MEGF10: variants seen among roughly 807,000 people sequenced by gnomAD.
MEGF10 encodes the protein multiple epidermal growth factor-like domains protein 10.
Under a neutral mutation model 147.5 loss-of-function variants are expected in MEGF10, and 86 were observed. That is an observed-to-expected ratio of 0.58 (90% CI 0.49 to 0.70). The LOEUF is 0.70. Among genes scored for constraint, MEGF10 ranks in the 30% least tolerant of loss-of-function variants. The pLI is 0.00. For synonymous variants in MEGF10, 478 were observed against 525.5 expected (o/e 0.91, Z 1.24); for missense variants, 1,329 against 1,487.3 (o/e 0.89, Z 1.75).
intron 5 of MEGF10, among the ~76,000 whole-genome samples, chr5:127,385,988 G>A (rs1002758753): frequency 6.6e-6 from 1 of 152,146 alleles, no homozygotes; most frequent in Non-Finnish European, 1.5e-5. Flanking sequence ...TGTTCTTGTA[G>A]TTCTAGCTAC....
the MEGF10 span, among the ~76,000 whole-genome samples, chr5:127,281,403 A>C: frequency 6.6e-6 from 1 of 152,194 alleles, no homozygotes; most frequent in Non-Finnish European, 1.5e-5. Context: ...CTGTCCCTTC[A>C]CGACGTCTCA....
At chr5:127,244,319 C>T in the MEGF10 span, among the ~76,000 whole-genome samples, 4 of 149,060 alleles carry the variant, frequency 2.7e-5, no homozygotes, top group East Asian at 2.0e-4. Flanking sequence ...ATTGGGCTAT[C>T]GTGCCACTGC....
intron 9 of MEGF10, among the ~76,000 whole-genome samples, chr5:127,411,341 G>C (rs1216786896): frequency 6.6e-6 from 1 of 152,170 alleles, no homozygotes; most frequent in East Asian, 1.9e-4. Flanking sequence ...AGCTGAGTTT[G>C]ACAAAAATGT....
At chr5:127,445,208 G>C (rs1041097481) in intron 19 of MEGF10, 10 of 483,158 alleles carry the variant, frequency 2.1e-5, no homozygotes, top group Non-Finnish European at 3.7e-5. Flanking sequence ...CTGGAACTCC[G>C]GGCACGCATC....
chr5:127,438,971 G>A (rs76491512), intron 17 of MEGF10, among the ~76,000 whole-genome samples: 4,201 of 152,254 alleles, frequency 0.028, 53 homozygotes, highest in East Asian at 0.045. Flanking sequence ...GTGGAGTTCC[G>A]TGTTTTTCGA....
the MEGF10 span, among the ~76,000 whole-genome samples, chr5:127,247,476 G>C: frequency 6.1e-5 from 9 of 147,974 alleles, no homozygotes; most frequent in African/African-American, 1.7e-4. Flanking sequence ...AGAAGAAGAA[G>C]AAGAAGAAGA....
intron 5 of MEGF10, among the ~76,000 whole-genome samples, chr5:127,388,986 A>C (rs1311014030): frequency 6.6e-6 from 1 of 152,224 alleles, no homozygotes; most frequent in Non-Finnish European, 1.5e-5. Context: ...TCTGCCTTAG[A>C]AAGAGTGCTG....
At chr5:127,418,027 G>A (rs189888685) in intron 10 of MEGF10, among the ~76,000 whole-genome samples, 90 of 152,094 alleles carry the variant, frequency 5.9e-4, no homozygotes, top group Admixed American at 3.0e-3. Context: ...TATAAATGTG[G>A]CATTAATTTT....
chr5:127,361,421 G>C (rs764817748), intron 4 of MEGF10, among the ~76,000 whole-genome samples: 19 of 151,546 alleles, frequency 1.3e-4, no homozygotes, highest in Admixed American at 4.6e-4. Context: ...TTTTTTTCCT[G>C]GTAAGTATAG....
At chr5:127,386,391 A>G (rs1763435804) in intron 5 of MEGF10, among the ~76,000 whole-genome samples, 1 of 152,198 alleles carries the variant, frequency 6.6e-6, no homozygotes, top group Non-Finnish European at 1.5e-5. Flanking sequence ...TATTTATGAC[A>G]TCTTTTTATA....
intron 3 of MEGF10, among the ~76,000 whole-genome samples, chr5:127,339,807 C>T (rs983236466): frequency 1.3e-5 from 2 of 152,150 alleles, no homozygotes; most frequent in African/African-American, 4.8e-5. Context: ...ATGTTATGCT[C>T]AATGTCATTT....
chr5:127,270,343 A>G, the MEGF10 span, among the ~76,000 whole-genome samples: 2 of 152,200 alleles, frequency 1.3e-5, no homozygotes, highest in Non-Finnish European at 2.9e-5. Flanking sequence ...GACCCATCTC[A>G]TGTGCAGAGA....
In MEGF10 at chr5:127,443,030, C is replaced by T. The variant is rs758447348; in HGVS notation, c.2395C>T (p.Arg799Cys). The change falls in exon 19 of 25, where the codon CGC becomes TGC. Residue 799 changes from arginine to cysteine, a missense_variant. Around this residue, in one of 3 missense-constraint regions of MEGF10, gnomAD observed 980 missense variants for 1,085.9 expected, o/e 0.90. Transcript: ENST00000503335. ...CPSGTYGYGCRQICDCLNNST... is the reference protein window; with the variant it reads ...CPSGTYGYGCCQICDCLNNST... ...TTCAGGAACATATGGCTATGGCTGT[C>T]GCCAGATATGTGATTGTCTGAACAA... 1.8e-5 allele frequency: 29 copies of T among 1,613,394 alleles called. No individual in the cohort carries two copies. The highest frequency in any genetic ancestry group is 5.5e-5 in the South Asian group (5 of 90,992).
At chr5:127,248,823 GA>G in the MEGF10 span, among the ~76,000 whole-genome samples, 19 of 146,228 alleles carry the variant, frequency 1.3e-4, no homozygotes, top group South Asian at 8.6e-4. Flanking sequence ...TGAACTTGGT[GA>G]AAAAAAAAAT....
chr5:127,411,249 A>G (rs1764546616), intron 9 of MEGF10, among the ~76,000 whole-genome samples: 1 of 152,078 alleles, frequency 6.6e-6, no homozygotes, highest in East Asian at 1.9e-4. Context: ...ATGTCTTCTT[A>G]CCCCTGTTTC....
At chr5:127,357,974 T>C (rs987103988) in intron 4 of MEGF10, among the ~76,000 whole-genome samples, 1 of 152,202 alleles carries the variant, frequency 6.6e-6, no homozygotes, top group African/African-American at 2.4e-5. Context: ...AATTTATCCA[T>C]GTGGCCTCTG....
At chr5:127,371,420 A>C (rs1431239810) in intron 5 of MEGF10, among the ~76,000 whole-genome samples, 1 of 152,092 alleles carries the variant, frequency 6.6e-6, no homozygotes, top group African/African-American at 2.4e-5. Flanking sequence ...ACTGACCTCA[A>C]ATGTGATGTT....
intron 13 of MEGF10, among the ~76,000 whole-genome samples, chr5:127,426,226 A>G (rs1037944013): frequency 1.1e-4 from 17 of 152,220 alleles, no homozygotes; most frequent in African/African-American, 3.9e-4. Context: ...TCAACCCACT[A>G]TCTAGCATTT....
intron 1 of MEGF10, among the ~76,000 whole-genome samples, chr5:127,321,038 G>A (rs1760767419): frequency 6.6e-6 from 1 of 152,192 alleles, no homozygotes; most frequent in African/African-American, 2.4e-5. Context: ...TCCAAGAAGC[G>A]TTTATTGCTA....
Sources: gnomAD v4.1 joint callset for allele counts (sites outside exome capture counted in the v4.1 genomes callset) on GRCh38, gnomAD v4.1.1 for gene constraint, gnomAD v4.1.1 regional missense constraint, MANE v1.5 for transcripts, NCBI Gene and HGNC (gene_info 2026-07-23, HGNC 2026-07-21) for gene names.